CIART: variants seen among roughly 807,000 people sequenced by gnomAD.
CIART encodes the protein circadian-associated transcriptional repressor.
Under a neutral mutation model 22.1 loss-of-function variants are expected in CIART, and 7 were observed. The observed-to-expected ratio is 0.32, with a 90% confidence interval of 0.18 to 0.59. The LOEUF (loss-of-function observed/expected upper bound fraction) is 0.59. Ranked by LOEUF, CIART falls within the 20% of genes least tolerant of loss-of-function variation. The pLI, the probability that CIART is intolerant of heterozygous loss-of-function variation, is 0.86. For missense variants in CIART, 440 were observed against 478.0 expected (o/e 0.92, Z 0.74); for synonymous variants, 163 against 174.6 (o/e 0.93, Z 0.53).
intron 2 of CIART, among the ~76,000 whole-genome samples, chr1:150,284,225 G>A (rs1653350741): frequency 1.3e-5 from 2 of 151,802 alleles, no homozygotes; most frequent in African/African-American, 2.4e-5. Flanking sequence ...CGCTATGTTG[G>A]CCAGGCTGGT....
At chr1:150,284,387 G>A in intron 2 of CIART, 39 bp from the exon 3 acceptor site, 1 of 1,524,260 alleles carries the variant, frequency 6.6e-7, no homozygotes, top group South Asian at 1.1e-5. Flanking sequence ...CTACATGCTT[G>A]AATCTCAATC....
chr1:150,284,318 C>T, intron 2 of CIART, 108 bp from the exon 3 acceptor site: 2 of 1,117,202 alleles, frequency 1.8e-6, no homozygotes, highest in Admixed American at 1.8e-5. Context: ...CTTGCCTGGC[C>T]CGACTTAATT....
At chr1:150,284,169 C>G (rs1397575996) in intron 2 of CIART, among the ~76,000 whole-genome samples, 11 of 152,078 alleles carry the variant, frequency 7.2e-5, no homozygotes, top group African/African-American at 1.9e-4. Flanking sequence ...AGGCGCCCAC[C>G]ACCATGCCCA....
intron 2 of CIART, 57 bp from the exon 3 acceptor site, chr1:150,284,369 T>A (rs1653359441): frequency 2.7e-6 from 4 of 1,478,198 alleles, no homozygotes; most frequent in Non-Finnish European, 3.8e-6. Flanking sequence ...TGTTCTTCCT[T>A]TACCTGACTA....
intron 4 of CIART, chr1:150,285,065 A>T: frequency 3.8e-6 from 1 of 262,466 alleles, no homozygotes. Context: ...TACTGCCCCC[A>T]AACCCTTCCC....
chr1:150,286,312 G>C, intron 4 of CIART, 118 bp from the exon 5 acceptor site: 1 of 890,030 alleles, frequency 1.1e-6, no homozygotes, highest in Non-Finnish European at 1.8e-6. Context: ...TGCATAAAAC[G>C]AGGTATGTTT....
chr1:150,283,046 T>C lies in CIART; in HGVS notation c.-222T>C. The C allele has an allele frequency of 4.2e-6, 1 of 240,544 alleles. No individual in the cohort carries two copies. Among genetic ancestry groups the C allele is most frequent in the Non-Finnish European group, 6.6e-6 (1 of 151,014 alleles). The allele number at this position is 240,544 out of a possible 1,614,324, so 14.9% of individuals were successfully genotyped here. ...CAGAGAGGGAATCCCAAGCTCTTAA[T>C]GGGCGGGGGTGGGGGTAGAAATGTC... On this transcript the variant is annotated 5_prime_UTR_variant, in exon 1 of 5. The change abolishes an upstream ATG in the 5' untranslated region. Coordinates refer to ENST00000290363, the MANE Select transcript of CIART (RefSeq NM_144697.4).
rs1553853930 is a variant in CIART, at chr1:150,283,426, A to G, written c.159A>G (p.Gly53=). ...GPRPDTVGQR[G]GSRPSPGPIR... The stretch of plus-strand genomic sequence containing the variant: ...GGCCAGACACTGTTGGGCAGAGGGG[A>G]GGTTCACGGCCCAGCCCGGGTCCTA... Residue 53 remains glycine, a synonymous_variant, in exon 1 of 5, where the codon GGA becomes GGG. Coordinates refer to ENST00000290363, the MANE Select transcript of CIART (RefSeq NM_144697.4). The G allele has an allele frequency of 1.2e-6, 2 of 1,614,088 alleles. No individual in the cohort carries two copies. The highest frequency in any genetic ancestry group is 2.2e-5 in the South Asian group (2 of 91,084).
In CIART at chr1:150,284,594, C is replaced by T; in HGVS notation, c.522-3C>T. On this transcript the variant is annotated splice_polypyrimidine_tract_variant and splice_region_variant and intron_variant, in intron 3 of 4. Transcript: ENST00000290363. ...GTTTTTTAAAGCAACGTCATTTTCA[C>T]AGGGAACGTTACCTAGGAACCTTGC... The T allele has an allele frequency of 1.2e-6, 2 of 1,609,346 alleles. No homozygotes were observed. The highest frequency in any genetic ancestry group is 8.5e-7 in the Non-Finnish European group (1 of 1,175,732).
At position 150,286,522 on chromosome 1, in the gene CIART, A is replaced by T. The variant is rs781835144; in HGVS notation, c.726A>T (p.Leu242Phe). 3.1e-6 allele frequency: 5 copies of T among 1,593,284 alleles called. No individual in the cohort carries two copies. Among genetic ancestry groups the T allele is most frequent in the Non-Finnish European group, 4.3e-6 (5 of 1,161,158 alleles). ...MDQTQLGHLA[L>F]KPKQPWHLTQ... ...AGACACAGCTAGGACATCTAGCTTT[A>T]AAACCAAAGCAGCCTTGGCACCTCA... The change falls in exon 5 of 5, where the codon TTA (leucine) becomes TTT (phenylalanine). Residue 242 changes from leucine to phenylalanine, a missense_variant. Coordinates refer to ENST00000290363, the MANE Select transcript of CIART (RefSeq NM_144697.4).
Position 150,283,856 on chromosome 1 carries a change from C to A in CIART, c.418C>A (p.Leu140Met). 6.3e-7 allele frequency: 1 copy of A among 1,592,566 alleles called. No homozygotes were observed. Among genetic ancestry groups the A allele is most frequent in the Non-Finnish European group, 8.6e-7 (1 of 1,161,074 alleles). ...TCCTCTCACAGACCTACTCAATGGG[C>A]TGAAGATGGGTCGTTTTGAGAGAGG... ...IPPLTDLLNGLKMGRFERGLS... is the reference protein window; with the variant it reads ...IPPLTDLLNGMKMGRFERGLS... Residue 140 changes from leucine to methionine, a missense_variant, in exon 2 of 5, where the codon CTG becomes ATG. Coordinates refer to ENST00000290363, the MANE Select transcript of CIART (RefSeq NM_144697.4).
rs782496985 is a variant in CIART at position 150,283,018 on chromosome 1, G to A, written c.-250G>A. On this transcript the variant is annotated 5_prime_UTR_variant, in exon 1 of 5. Transcript: ENST00000290363. ...GTCAGACCGAGAGCTGCTCTGCGGC[G>A]GCCAGAGAGGGAATCCCAAGCTCTT... The A allele has an allele frequency of 1.1e-4, 31 of 274,174 alleles. No individual in the cohort carries two copies. Among genetic ancestry groups the A allele is most frequent in the Non-Finnish European group, 1.8e-4 (26 of 147,022 alleles). 17.0% of individuals were successfully genotyped at this position (274,174 alleles called of 1,614,324 possible). A position where few individuals can be genotyped will look rare whatever the true frequency, so the allele number is the denominator to read the frequency against.
At chr1:150,284,355 C>G in intron 2 of CIART, 71 bp from the exon 3 acceptor site, 1 of 1,394,882 alleles carries the variant, frequency 7.2e-7, no homozygotes, top group Non-Finnish European at 1.0e-6. Context: ...TTTTAACCCC[C>G]TTCTGTTCTT....
intron 2 of CIART, 104 bp from the exon 3 acceptor site, chr1:150,284,322 C>T: frequency 8.5e-7 from 1 of 1,178,790 alleles, no homozygotes; most frequent in Non-Finnish European, 1.3e-6. Context: ...CCTGGCCCGA[C>T]TTAATTTTTT....
Position 150,286,757 on chromosome 1 carries a change from A to T in CIART, c.961A>T (p.Ile321Phe). Residue 321 changes from isoleucine to phenylalanine, a missense_variant, in exon 5 of 5, where the codon ATC (isoleucine) becomes TTC (phenylalanine). Ile to Phe is a conservative substitution (Grantham distance 21). Coordinates refer to ENST00000290363, the MANE Select transcript of CIART (RefSeq NM_144697.4). Reference protein sequence around the residue: ...PVPPTTASPVIPGEPMKLSGE... With the variant: ...PVPPTTASPVFPGEPMKLSGE... ...CCCACCTACTACAGCATCTCCTGTCATCCCTGGTGAGCCTATGAAACTATC... is the reference window on the plus strand; with the variant it reads ...CCCACCTACTACAGCATCTCCTGTCTTCCCTGGTGAGCCTATGAAACTATC... The T allele has an allele frequency of 6.2e-7, 1 of 1,613,060 alleles. No homozygotes were observed. Among genetic ancestry groups the T allele is most frequent in the Non-Finnish European group, 8.5e-7 (1 of 1,179,062 alleles).
chr1:150,283,538 G>C lies in CIART; in HGVS notation c.271G>C (p.Gly91Arg), dbSNP rs1346408802. 3.3e-5 allele frequency: 53 copies of C among 1,614,106 alleles called. No individual in the cohort carries two copies. The highest frequency in any genetic ancestry group is 4.5e-5 in the Non-Finnish European group (53 of 1,180,042). ...KQRGSASPMA[G>R]SGAKRSRDGE... ...GCGGGGTTCGGCTTCTCCTATGGCAGGATCTGGGGCGAAAAGATCAAGAGA... is the reference window on the plus strand; with the variant it reads ...GCGGGGTTCGGCTTCTCCTATGGCACGATCTGGGGCGAAAAGATCAAGAGA... Residue 91 changes from glycine to arginine, a missense_variant, in exon 1 of 5, where the codon GGA becomes CGA. Physicochemically the swap from Gly to Arg is moderately radical, Grantham distance 125. Coordinates refer to ENST00000290363, the MANE Select transcript of CIART (RefSeq NM_144697.4).
In CIART at chr1:150,284,632, G is replaced by A; in HGVS notation, c.557G>A (p.Gly186Glu). Residue 186 changes from glycine to glutamate, a missense_variant, in exon 4 of 5, where the codon GGG becomes GAG. Coordinates refer to ENST00000290363, the MANE Select transcript of CIART (RefSeq NM_144697.4). ...RYLGTLLQVE[G>E]MLKTWFPQIA... Reference sequence around the variant, plus strand: ...CTAGGAACCTTGCTACAGGTAGAAGGGATGTTAAAGACTTGGTTTCCACAA... The same window carrying A: ...CTAGGAACCTTGCTACAGGTAGAAGAGATGTTAAAGACTTGGTTTCCACAA... 1 of 1,613,918 alleles carries A rather than the reference G, an allele frequency of 6.2e-7. No individual in the cohort carries two copies. Among genetic ancestry groups the A allele is most frequent in the Non-Finnish European group, 8.5e-7 (1 of 1,179,834 alleles).
rs782526535 is a variant in CIART at position 150,286,774 on chromosome 1, G to A, written c.978G>A (p.Met326Ile). 1.9e-6 allele frequency: 3 copies of A among 1,613,604 alleles called. No individual in the cohort carries two copies. In the South Asian group the frequency reaches 3.3e-5, roughly 18 times the overall value. Residue 326 changes from methionine to isoleucine, a missense_variant, in exon 5 of 5, where the codon ATG becomes ATA. Met to Ile is a conservative substitution (Grantham distance 10). Transcript: ENST00000290363. ...TASPVIPGEP[M>I]KLSGEGPRCY... ...CTCCTGTCATCCCTGGTGAGCCTAT[G>A]AAACTATCTGGAGAGGGTCCTCGTT... is the stretch of plus-strand genomic sequence containing the variant.
intron 4 of CIART, among the ~76,000 whole-genome samples, chr1:150,286,219 G>T (rs1320541477): frequency 2.0e-5 from 3 of 152,006 alleles, no homozygotes; most frequent in African/African-American, 7.3e-5. Context: ...TCCATAGTAG[G>T]CCATTTATTT....
Sources: allele counts gnomAD v4.1 joint callset (sites outside exome capture counted in the v4.1 genomes callset), GRCh38; gene constraint gnomAD v4.1.1; transcripts MANE v1.5; gene names NCBI Gene and HGNC (gene_info 2026-07-23, HGNC 2026-07-21).